Variants in ACTR3C observed in about 807,000 individuals in gnomAD.
The protein encoded by ACTR3C is actin related protein 3C.
Under a neutral mutation model 26.3 loss-of-function variants are expected in ACTR3C, and 18 were observed. The observed-to-expected ratio is 0.68, with a 90% CI of 0.47 to 1.01. ACTR3C has a LOEUF of 1.01. ACTR3C is among the 50% of genes least tolerant of loss of function. ACTR3C has a pLI of 0.00. For missense variants in ACTR3C, 184 were observed against 250.7 expected (o/e 0.73, Z 1.80); for synonymous variants, 55 against 94.5 (o/e 0.58, Z 2.42).
At chr7:150,234,083 C>G in the ACTR3C span, among the ~76,000 whole-genome samples, 1 of 152,142 alleles carries the variant, frequency 6.6e-6, no homozygotes, top group Non-Finnish European at 1.5e-5. Context: ...CTTTGGGCAT[C>G]CTTATATACT....
rs779277584 is a variant in ACTR3C at position 150,293,402 on chromosome 7, C to T, written c.63G>A (p.Ala21=). The T allele has an allele frequency of 2.2e-5, 35 of 1,599,822 alleles. 1 individual carries two copies. Among genetic ancestry groups the T allele is most frequent in the Middle Eastern group, 1.7e-4 (1 of 6,048 alleles). ...YIAVQAVLAL[A]ASWTSRQVGE... The stretch of plus-strand genomic sequence containing the variant: ...CCACTTGTCGAGATGTCCAAGATGC[C>T]GCCAAGGCCAGCACTGCCTGGAGAA... Residue 21 remains alanine (A), a synonymous_variant, in exon 3 of 8, where the codon GCG becomes GCA. Coordinates refer to ENST00000683684, the MANE Select transcript of ACTR3C (RefSeq NM_001164458.2).
chr7:150,080,547 G>A, the ACTR3C span, among the ~76,000 whole-genome samples: 1 of 151,950 alleles, frequency 6.6e-6, no homozygotes, highest in African/African-American at 2.4e-5. Flanking sequence ...GTGTGTGTGT[G>A]TGTGTGTGTG....
At chr7:150,065,506 C>T in the ACTR3C span, among the ~76,000 whole-genome samples, 25 of 152,118 alleles carry the variant, frequency 1.6e-4, no homozygotes, top group African/African-American at 6.0e-4. Context: ...CCATTGAACC[C>T]CAATGATCAG....
the ACTR3C span, among the ~76,000 whole-genome samples, chr7:150,170,236 A>C: frequency 6.6e-6 from 1 of 150,520 alleles, no homozygotes; most frequent in South Asian, 2.1e-4. Context: ...GGCAGCTTGC[A>C]ACATGGCAGC....
chr7:150,035,365 G>A, the ACTR3C span, among the ~76,000 whole-genome samples: 1 of 56,496 alleles, frequency 1.8e-5, no homozygotes, highest in African/African-American at 5.6e-5. Flanking sequence ...CCACCCTCGC[G>A]GGCGGTGCCT....
the ACTR3C span, among the ~76,000 whole-genome samples, chr7:149,910,230 G>A: frequency 4.0e-5 from 6 of 150,392 alleles, no homozygotes; most frequent in Non-Finnish European, 5.9e-5. Context: ...GGGGGGCGGC[G>A]GTTAGAAAAT....
the ACTR3C span, among the ~76,000 whole-genome samples, chr7:149,982,025 T>C: frequency 6.6e-6 from 1 of 152,200 alleles, no homozygotes; most frequent in African/African-American, 2.4e-5. Context: ...AATGCTCAGA[T>C]GTTGCCGAAG....
At chr7:149,885,010 T>G in the ACTR3C span, among the ~76,000 whole-genome samples, 1 of 150,010 alleles carries the variant, frequency 6.7e-6, no homozygotes, top group East Asian at 1.9e-4. Flanking sequence ...ATTCTTTGGG[T>G]TTTTTTGTGG....
the ACTR3C span, among the ~76,000 whole-genome samples, chr7:150,070,935 C>T: frequency 6.7e-6 from 1 of 148,934 alleles, no homozygotes; most frequent in East Asian, 2.0e-4. Context: ...GCTGGGACTA[C>T]AGGCGCCCGC....
chr7:150,291,054 A>C (rs1371744620), intron 3 of ACTR3C, among the ~76,000 whole-genome samples: 2 of 152,256 alleles, frequency 1.3e-5, no homozygotes, highest in African/African-American at 4.8e-5. Context: ...TTATATGTAC[A>C]ATCCCAAACC....
intron 6 of ACTR3C, among the ~76,000 whole-genome samples, chr7:150,280,973 C>A (rs1303556124): frequency 6.6e-6 from 1 of 152,226 alleles, no homozygotes; most frequent in Non-Finnish European, 1.5e-5. Context: ...GCAGGTGTGG[C>A]AGAGGGAGAG....
At chr7:150,111,688 C>T in the ACTR3C span, among the ~76,000 whole-genome samples, 2 of 129,454 alleles carry the variant, frequency 1.5e-5, no homozygotes, top group African/African-American at 3.2e-5. Context: ...ACCAGAGAGC[C>T]GCCCTCCTCC....
chr7:150,120,399 G>A, the ACTR3C span, among the ~76,000 whole-genome samples: 1 of 152,008 alleles, frequency 6.6e-6, no homozygotes, highest in Non-Finnish European at 1.5e-5. Flanking sequence ...TGATAAAGGG[G>A]ATATCAACAC....
chr7:149,992,186 G>C, the ACTR3C span, among the ~76,000 whole-genome samples: 855 of 152,392 alleles, frequency 5.6e-3, 4 homozygotes, highest in Admixed American at 0.028. Context: ...GCACAGCACA[G>C]GTCCAGAGCC....
the ACTR3C span, among the ~76,000 whole-genome samples, chr7:150,190,367 C>T: frequency 1.3e-5 from 2 of 150,456 alleles, no homozygotes; most frequent in African/African-American, 5.0e-5. Flanking sequence ...TGTATTCTTT[C>T]AACAATTTTA....
the ACTR3C span, among the ~76,000 whole-genome samples, chr7:150,012,466 C>T: frequency 2.0e-5 from 3 of 151,864 alleles, no homozygotes; most frequent in Non-Finnish European, 1.5e-5. Context: ...AGGCGCCCAC[C>T]ACCATGCCCG....
intron 1 of ACTR3C, among the ~76,000 whole-genome samples, chr7:150,298,473 C>T (rs965539374): frequency 8.0e-5 from 12 of 149,298 alleles, no homozygotes; most frequent in Admixed American, 2.0e-4. Context: ...CAAATCCCAG[C>T]CTTCCACTTT....
At chr7:150,041,242 T>C in the ACTR3C span, 1 of 150,852 alleles carries the variant, frequency 6.6e-6, no homozygotes, top group African/African-American at 2.5e-5. Flanking sequence ...GCTTGGCTAA[T>C]ACTGCAAAGT....
At chr7:149,987,919 A>T in the ACTR3C span, among the ~76,000 whole-genome samples, 2 of 152,248 alleles carry the variant, frequency 1.3e-5, no homozygotes, top group Non-Finnish European at 2.9e-5. Context: ...AAGCTTTTTT[A>T]AAAAAGAAAA....
Sources: gnomAD v4.1 joint callset for allele counts (sites outside exome capture counted in the v4.1 genomes callset) on GRCh38, gnomAD v4.1.1 for gene constraint, MANE v1.5 for transcripts, NCBI Gene and HGNC (gene_info 2026-07-23, HGNC 2026-07-21) for gene names.